PLA2G6: variants seen among roughly 807,000 people sequenced by gnomAD.
The protein encoded by PLA2G6 is 85/88 kDa calcium-independent phospholipase A2.
A neutral mutation model predicts 83.8 loss-of-function variants in PLA2G6; 62 were observed. The ratio of observed to expected loss-of-function variants is 0.74; its 90% CI spans 0.60 to 0.91. The LOEUF is 0.91. Ranked by LOEUF, PLA2G6 falls within the 40% of genes least tolerant of loss-of-function variation. The pLI, the probability that PLA2G6 is intolerant of heterozygous loss-of-function variation, is 0.00. For missense variants in PLA2G6, 944 were observed against 1,102.0 expected, an observed-to-expected ratio of 0.86 and a Z score of 2.03; for synonymous variants, 417 against 449.8, an observed-to-expected ratio of 0.93 and a Z score of 0.92.
chr22:38,117,638 T>C (rs556892312), intron 12 of PLA2G6, among the ~76,000 whole-genome samples: 2 of 152,244 alleles, frequency 1.3e-5, no homozygotes, highest in East Asian at 3.9e-4. Flanking sequence ...TATCCATCAA[T>C]GGATGAATGG....
At chr22:38,133,298 AG>A in intron 6 of PLA2G6, 2 of 529,870 alleles carry the variant, frequency 3.8e-6, no homozygotes, top group Non-Finnish European at 6.8e-6. Flanking sequence ...CTCCTTGCAA[AG>A]GCTCCTCTGG....
At chr22:38,159,698 T>C (rs571136274) in intron 2 of PLA2G6, among the ~76,000 whole-genome samples, 71 of 140,568 alleles carry the variant, frequency 5.1e-4, no homozygotes, top group African/African-American at 2.1e-3. Context: ...CCACTGAAGT[T>C]TGGCCTGGGT....
At chr22:38,127,924 C>A (rs1377608612) in intron 9 of PLA2G6, among the ~76,000 whole-genome samples, 1 of 152,220 alleles carries the variant, frequency 6.6e-6, no homozygotes, top group Non-Finnish European at 1.5e-5. Flanking sequence ...CCCGGGCCCC[C>A]AGTCCCCCGA....
chr22:38,139,966 G>C lies in PLA2G6; in HGVS notation c.797+16C>G, dbSNP rs775607979. 6.4e-7 allele frequency: 1 copy of C among 1,565,280 alleles called. No individual in the cohort carries two copies. Among genetic ancestry groups the C allele is most frequent in the Non-Finnish European group, 8.7e-7 (1 of 1,151,718 alleles). Reference sequence around the variant, plus strand: ...AGCCCAGCAGGCCAGCAGATGGGGAGGGGAGGAGGTCTTACCCCTTCTGAG... The same window carrying C: ...AGCCCAGCAGGCCAGCAGATGGGGACGGGAGGAGGTCTTACCCCTTCTGAG... On this transcript the variant is annotated intron_variant, in intron 5 of 16. Transcript: ENST00000332509.
intron 1 of PLA2G6, among the ~76,000 whole-genome samples, chr22:38,175,590 ATG>A (rs1199088823): frequency 1.3e-5 from 2 of 152,208 alleles, no homozygotes; most frequent in African/African-American, 4.8e-5. Context: ...CTTAACCTGA[ATG>A]TGTGCTCCAC....
Position 38,120,764 on chromosome 22 carries a change from T to C in PLA2G6, c.1737A>G (p.Lys579=). The C allele has an allele frequency of 6.2e-7, 1 of 1,613,636 alleles. No homozygotes were observed. The highest frequency in any genetic ancestry group is 8.5e-7 in the Non-Finnish European group (1 of 1,180,002). Residue 579 remains lysine, a synonymous_variant, in exon 12 of 17, where the codon AAA becomes AAG. Coordinates refer to ENST00000332509, the MANE Select transcript of PLA2G6 (RefSeq NM_003560.4). ...GEHTKMTDVR[K]PKVMLTGTLS... ...CCCAGTGCGCCAGGGCTTACTTGGGTTTCCTGACGTCCGTCATCTTGGTGT... is the reference window on the plus strand; with the variant it reads ...CCCAGTGCGCCAGGGCTTACTTGGGCTTCCTGACGTCCGTCATCTTGGTGT...
intron 6 of PLA2G6, chr22:38,133,462 C>T (rs1182763960): frequency 4.9e-6 from 1 of 202,748 alleles, no homozygotes; most frequent in East Asian, 1.2e-4. Flanking sequence ...GAGCCCAAAG[C>T]CCAGCTTCAC....
At chr22:38,142,320 T>C (rs1423249363) in intron 4 of PLA2G6, 1 of 148,302 alleles carries the variant, frequency 6.7e-6, no homozygotes, top group African/African-American at 2.5e-5. Flanking sequence ...CAATAAAACA[T>C]AATCCAACAT....
intron 4 of PLA2G6, 98 bp from the exon 5 acceptor site, chr22:38,140,267 G>A: frequency 8.8e-7 from 1 of 1,136,392 alleles, no homozygotes; most frequent in African/African-American, 1.5e-5. Flanking sequence ...TAGCACTTTG[G>A]GAGGCCAAGG....
At chr22:38,161,530 T>G (rs1399842327) in intron 2 of PLA2G6, among the ~76,000 whole-genome samples, 1 of 151,832 alleles carries the variant, frequency 6.6e-6, no homozygotes, top group African/African-American at 2.4e-5. Context: ...AAAAAATATA[T>G]AGTAGAAAAG....
rs149712244 is a variant in PLA2G6, at chr22:38,116,155, C to T, written c.1799G>A (p.Arg600Gln). The change falls in exon 13 of 17, where the codon CGG becomes CAG. Residue 600 changes from arginine to glutamine, a missense_variant. Arg to Gln is a conservative substitution (Grantham distance 43, BLOSUM62 1). Coordinates refer to ENST00000332509, the MANE Select transcript of PLA2G6 (RefSeq NM_003560.4). ...GACAGTTTCTGGAGCATCGTAGTTC[C>T]GGAAGAGGTGGAGTTCAGCCGGCTG... ...DRQPAELHLFRNYDAPETVRE... is the reference protein window; with the variant it reads ...DRQPAELHLFQNYDAPETVRE... The T allele has an allele frequency of 2.0e-5, 33 of 1,613,822 alleles. No individual in the cohort carries two copies. Among genetic ancestry groups the T allele is most frequent in the African/African-American group, 2.0e-4 (15 of 74,930 alleles).
chr22:38,116,281 A>G (rs781180431), intron 12 of PLA2G6, 70 bp from the exon 13 acceptor site: 1 of 1,554,006 alleles, frequency 6.4e-7, no homozygotes, highest in African/African-American at 1.4e-5. Flanking sequence ...CCCACAATTC[A>G]CACCCCAGGG....
At chr22:38,159,056 G>A (rs565129372) in intron 2 of PLA2G6, among the ~76,000 whole-genome samples, 11 of 151,992 alleles carry the variant, frequency 7.2e-5, no homozygotes, top group South Asian at 6.2e-4. Flanking sequence ...AAAATTAGCC[G>A]GGTGTGGTGG....
intron 2 of PLA2G6, chr22:38,149,618 A>G (rs1390673711): frequency 6.6e-6 from 1 of 152,204 alleles, no homozygotes; most frequent in Non-Finnish European, 1.5e-5. Flanking sequence ...TGAAAAGTTA[A>G]TGTCTGCAAA....
At chr22:38,158,828 T>C (rs11570628) in intron 2 of PLA2G6, among the ~76,000 whole-genome samples, 3 of 152,212 alleles carry the variant, frequency 2.0e-5, no homozygotes, top group African/African-American at 4.8e-5. Context: ...CTCAGTGTGA[T>C]AGTATTAAGA....
chr22:38,161,495 C>CG (rs2090009727), intron 2 of PLA2G6, among the ~76,000 whole-genome samples: 1 of 151,916 alleles, frequency 6.6e-6, no homozygotes, highest in Non-Finnish European at 1.5e-5. Context: ...CATATGATTT[C>CG]GGGGGGATAC....
intron 4 of PLA2G6, 100 bp downstream of exon 4, chr22:38,143,005 G>T: frequency 1.8e-6 from 2 of 1,099,864 alleles, no homozygotes; most frequent in Non-Finnish European, 2.8e-6. Flanking sequence ...ATGGGGGACA[G>T]TGAGAGGCCT....
intron 1 of PLA2G6, 24 bp from the exon 2 acceptor site, chr22:38,169,495 T>C: frequency 7.3e-7 from 1 of 1,379,134 alleles, no homozygotes; most frequent in Non-Finnish European, 1.0e-6. Context: ...AGGTCTCTGG[T>C]CAGCCAGGCA....
At chr22:38,131,689 T>C (rs2088221276) in intron 7 of PLA2G6, 2 of 153,824 alleles carry the variant, frequency 1.3e-5, no homozygotes, top group African/African-American at 4.8e-5. Context: ...TAAAACAGGA[T>C]GTCTCTGAAT....
Sources: gnomAD v4.1 joint callset for allele counts (sites outside exome capture counted in the v4.1 genomes callset) on GRCh38, gnomAD v4.1.1 for gene constraint, MANE v1.5 for transcripts, NCBI Gene and HGNC (gene_info 2026-07-23, HGNC 2026-07-21) for gene names.